CHD6: variants seen among roughly 807,000 people sequenced by gnomAD.
CHD6 encodes the protein chromodomain helicase DNA binding protein 6, also known as ATP-dependent chromatin remodeler CHD6.
In CHD6, 50 loss-of-function variants were observed where a neutral mutation model predicts 276.9. The observed-to-expected ratio is 0.18, with a 90% CI of 0.14 to 0.23. The LOEUF (loss-of-function observed/expected upper bound fraction) is 0.23. Ranked by LOEUF, CHD6 falls within the 10% of genes least tolerant of loss-of-function variation. CHD6 has a pLI of 1.00. For synonymous variants in CHD6, 1,173 were observed against 1,229.3 expected, an observed-to-expected ratio of 0.95 and a Z score of 0.96; for missense variants, 2,564 against 3,365.8, an observed-to-expected ratio of 0.76 and a Z score of 5.89.
intron 1 of CHD6, among the ~76,000 whole-genome samples, chr20:41,611,417 T>C (rs1328705863): frequency 1.3e-5 from 2 of 152,214 alleles, no homozygotes; most frequent in Non-Finnish European, 2.9e-5. Context: ...TCTTAAGGGC[T>C]TGAAAACCAT....
Position 41,513,005 on chromosome 20 carries a change from A to G in CHD6, c.703-10T>C, listed in dbSNP as rs755072664. On this transcript the variant is annotated splice_polypyrimidine_tract_variant and intron_variant, in intron 4 of 36. Transcript: ENST00000373233. ...TTCCCGAGCGTCGTTTCTGTAGGGC[A>G]AACACACCCGTCAGAGAAGCTCTCT... The G allele has an allele frequency of 6.2e-7, 1 of 1,613,980 alleles. No individual in the cohort carries two copies. Among genetic ancestry groups the G allele is most frequent in the South Asian group, 1.1e-5 (1 of 91,072 alleles).
chr20:41,501,781 C>T (rs547361559), intron 5 of CHD6, among the ~76,000 whole-genome samples: 1 of 152,134 alleles, frequency 6.6e-6, no homozygotes, highest in Admixed American at 6.5e-5. Flanking sequence ...ATTTTGACAC[C>T]TACCAGCAAG....
At chr20:41,567,919 T>C (rs932086577) in intron 1 of CHD6, among the ~76,000 whole-genome samples, 2 of 152,124 alleles carry the variant, frequency 1.3e-5, no homozygotes, top group African/African-American at 4.8e-5. Flanking sequence ...TACACAGATG[T>C]CTACAGCATG....
chr20:41,529,562 C>T (rs1355936175), intron 3 of CHD6, among the ~76,000 whole-genome samples: 1 of 152,110 alleles, frequency 6.6e-6, no homozygotes, highest in Non-Finnish European at 1.5e-5. Context: ...TGATATATAT[C>T]TGAACTGAGA....
intron 1 of CHD6, among the ~76,000 whole-genome samples, chr20:41,553,166 C>T (rs2045171114): frequency 6.6e-6 from 1 of 152,156 alleles, no homozygotes; most frequent in Non-Finnish European, 1.5e-5. Flanking sequence ...CCATCACAAA[C>T]TGCCACAAAG....
At chr20:41,427,409 T>A (rs1173907148) in intron 27 of CHD6, among the ~76,000 whole-genome samples, 2 of 152,176 alleles carry the variant, frequency 1.3e-5, no homozygotes, top group African/African-American at 4.8e-5. Flanking sequence ...ATGGCTCATC[T>A]CACTTAGTTA....
chr20:41,549,057 A>G (rs1194459178), intron 2 of CHD6, among the ~76,000 whole-genome samples: 1 of 152,174 alleles, frequency 6.6e-6, no homozygotes, highest in African/African-American at 2.4e-5. Context: ...ACTGTAAACT[A>G]GTTCAACCAT....
chr20:41,459,337 G>T (rs1382620503), intron 17 of CHD6: 2 of 152,570 alleles, frequency 1.3e-5, no homozygotes, highest in Non-Finnish European at 2.9e-5. Flanking sequence ...TCAAAGCAGG[G>T]CTAAAGGAGG....
intron 27 of CHD6, among the ~76,000 whole-genome samples, chr20:41,435,425 C>G (rs2047674679): frequency 6.6e-6 from 1 of 151,494 alleles, no homozygotes; most frequent in Non-Finnish European, 1.5e-5. Flanking sequence ...AAGACCCTGT[C>G]TCTACAAAAA....
At chr20:41,446,644 A>G (rs947511742) in intron 24 of CHD6, among the ~76,000 whole-genome samples, 1 of 152,136 alleles carries the variant, frequency 6.6e-6, no homozygotes, top group African/African-American at 2.4e-5. Flanking sequence ...TACTAGTCCC[A>G]GCTCCCTCTG....
At chr20:41,462,815 CTCTT>C (rs1457057393) in intron 17 of CHD6, among the ~76,000 whole-genome samples, 3 of 152,210 alleles carry the variant, frequency 2.0e-5, no homozygotes, top group Admixed American at 6.5e-5. Flanking sequence ...TTTATAGTCT[CTCTT>C]TCTGTGTGTA....
chr20:41,558,208 G>C (rs2045261427), intron 1 of CHD6, among the ~76,000 whole-genome samples: 1 of 152,260 alleles, frequency 6.6e-6, no homozygotes, highest in South Asian at 2.1e-4. Flanking sequence ...CTATTGCCAG[G>C]TGTGAGCAGT....
At position 41,455,959 on chromosome 20, in the gene CHD6, C is replaced by T. The variant is rs142685002; in HGVS notation, c.2850G>A (p.Met950Ile). 149 of 1,582,164 alleles carry T rather than the reference C, an allele frequency of 9.4e-5. 1 individual carries two copies. The African/African-American group carries it at 1.5e-3, about 16-fold the overall frequency. The change falls in exon 19 of 37, where the codon ATG (methionine) becomes ATA (isoleucine). Residue 950 changes from methionine (M) to isoleucine (I), a missense_variant. Met to Ile is a conservative substitution (Grantham distance 10). This residue lies in a region of CHD6 where 457 missense variants were observed against 889.0 expected (regional missense o/e 0.51). Coordinates refer to ENST00000373233, the MANE Select transcript of CHD6 (RefSeq NM_032221.5). ...GTNGVQQLSK[M>I]EVEDLLRKGA... is the part of the protein sequence containing the mutation. ...CTTTCCGGAGTAGGTCCTCCACCTCCATTTTTGAGAGCTGCTGTACCTGGA... is the reference window on the plus strand; with the variant it reads ...CTTTCCGGAGTAGGTCCTCCACCTCTATTTTTGAGAGCTGCTGTACCTGGA...
At chr20:41,538,513 G>T (rs1251300168) in intron 2 of CHD6, among the ~76,000 whole-genome samples, 8 of 152,116 alleles carry the variant, frequency 5.3e-5, no homozygotes, top group Admixed American at 5.2e-4. Context: ...CGAACTCAAA[G>T]AGACAAATTG....
At chr20:41,486,155 GC>G (rs2043409032) in intron 14 of CHD6, 1 of 152,234 alleles carries the variant, frequency 6.6e-6, no homozygotes, top group South Asian at 2.1e-4. Flanking sequence ...AAAAGACACA[GC>G]TAGCTGATTG....
chr20:41,604,803 G>A (rs1223860368), intron 1 of CHD6, among the ~76,000 whole-genome samples: 1 of 152,014 alleles, frequency 6.6e-6, no homozygotes, highest in Non-Finnish European at 1.5e-5. Context: ...TTTTCCAAGG[G>A]TTTTCATTTC....
At chr20:41,413,141 C>G (rs891455149) in intron 35 of CHD6, among the ~76,000 whole-genome samples, 183 bp downstream of exon 35, 26 of 152,196 alleles carry the variant, frequency 1.7e-4, no homozygotes, top group Non-Finnish European at 2.5e-4. Flanking sequence ...ATTTCTATTA[C>G]TGAAGAATTT....
chr20:41,546,974 TGATTTAA>T (rs893025690), intron 2 of CHD6, among the ~76,000 whole-genome samples: 58 of 152,350 alleles, frequency 3.8e-4, no homozygotes, highest in African/African-American at 1.4e-3. Context: ...TACTGAGTTT[TGATTTAA>T]TTTGTAAAAA....
intron 1 of CHD6, among the ~76,000 whole-genome samples, chr20:41,589,225 C>A (rs2045629897): frequency 6.6e-6 from 1 of 151,524 alleles, no homozygotes. Context: ...TCTCAAAATA[C>A]TAAGAGCTAT....
Sources: gnomAD v4.1 joint callset for allele counts (sites outside exome capture counted in the v4.1 genomes callset) on GRCh38, gnomAD v4.1.1 for gene constraint, gnomAD v4.1.1 regional missense constraint, MANE v1.5 for transcripts, NCBI Gene and HGNC (gene_info 2026-07-23, HGNC 2026-07-21) for gene names.